Variants in KCNIP4 observed in about 807,000 individuals in gnomAD.
KCNIP4 encodes the protein Kv channel-interacting protein 4.
A neutral mutation model predicts 34.0 loss-of-function variants in KCNIP4; 12 were observed. The observed-to-expected ratio is 0.35, with a 90% CI of 0.23 to 0.57. The LOEUF (loss-of-function observed/expected upper bound fraction) is 0.57, where lower values mean the gene tolerates loss of function less well. Among genes scored for constraint, KCNIP4 ranks in the 20% least tolerant of loss-of-function variants. KCNIP4 has a pLI of 0.83. For missense variants in KCNIP4, 238 were observed against 311.7 expected, an observed-to-expected ratio of 0.76 and a Z score of 1.78; for synonymous variants, 124 against 102.2, an observed-to-expected ratio of 1.21 and a Z score of -1.29.
At chr4:20,766,230 A>G (rs1009876356) in intron 3 of KCNIP4, among the ~76,000 whole-genome samples, 4 of 152,198 alleles carry the variant, frequency 2.6e-5, no homozygotes, top group Non-Finnish European at 4.4e-5. Context: ...AGAAAATAGC[A>G]GATCTAATCT....
chr4:21,295,706 C>T (rs1264562576), intron 1 of KCNIP4, among the ~76,000 whole-genome samples: 2 of 152,156 alleles, frequency 1.3e-5, no homozygotes, highest in African/African-American at 4.8e-5. Flanking sequence ...CTTTCTCTGA[C>T]AACCCTTTGA....
intron 1 of KCNIP4, among the ~76,000 whole-genome samples, chr4:21,732,262 C>A (rs1304825011): frequency 6.6e-6 from 1 of 151,880 alleles, no homozygotes; most frequent in African/African-American, 2.4e-5. Context: ...TTCAGTGCTA[C>A]GTGCTAGGAT....
intron 3 of KCNIP4, among the ~76,000 whole-genome samples, chr4:20,849,446 C>T (rs968524701): frequency 1.3e-5 from 2 of 152,094 alleles, no homozygotes; most frequent in Non-Finnish European, 2.9e-5. Context: ...TGTCAACTAC[C>T]GGTATGAATT....
chr4:21,000,893 G>T (rs1454238801), intron 1 of KCNIP4, among the ~76,000 whole-genome samples: 1 of 152,124 alleles, frequency 6.6e-6, no homozygotes, highest in Non-Finnish European at 1.5e-5. Flanking sequence ...AAGTACAGCA[G>T]CTACCTTCTC....
At chr4:21,352,137 A>G (rs1405857879) in intron 1 of KCNIP4, among the ~76,000 whole-genome samples, 2 of 152,198 alleles carry the variant, frequency 1.3e-5, no homozygotes, top group Admixed American at 1.3e-4. Flanking sequence ...CACTAAAAAA[A>G]GAAAAAAATC....
intron 1 of KCNIP4, among the ~76,000 whole-genome samples, chr4:21,077,899 AGTAGC>A (rs1242925634): frequency 1.3e-5 from 2 of 152,144 alleles, no homozygotes; most frequent in East Asian, 3.9e-4. Flanking sequence ...AAGATGTCAT[AGTAGC>A]GTAAAAGAGG....
intron 1 of KCNIP4, among the ~76,000 whole-genome samples, chr4:21,037,959 C>A (rs1741597673): frequency 1.5e-4 from 1 of 6,454 alleles, no homozygotes; most frequent in South Asian, 0.012. Flanking sequence ...ATACAAAATG[C>A]TGGGGGTTTT....
At chr4:21,074,601 T>A (rs1242126534) in intron 1 of KCNIP4, among the ~76,000 whole-genome samples, 1 of 152,154 alleles carries the variant, frequency 6.6e-6, no homozygotes, top group Non-Finnish European at 1.5e-5. Flanking sequence ...CCTGGAGTCA[T>A]TGATTTTTTG....
At chr4:20,785,460 CT>C (rs1417050414) in intron 3 of KCNIP4, among the ~76,000 whole-genome samples, 1 of 151,694 alleles carries the variant, frequency 6.6e-6, no homozygotes, top group Non-Finnish European at 1.5e-5. Context: ...TGTTCTCAGA[CT>C]GAGGAGGAGC....
rs538152506 is a variant in KCNIP4, at chr4:21,558,579, A to G, written c.61+389992T>C. ...TTTCAGGATTTAAATTTGCCAAAAG[A>G]AATTGAAATTATACATTGCTAGTCT... is the stretch of plus-strand genomic sequence containing the variant. On this transcript the variant is annotated intron_variant, in intron 1 of 8. Transcript: ENST00000382152. Among the ~76,000 whole-genome samples, 111 of 152,200 alleles carry G rather than the reference A, an allele frequency of 7.3e-4. 1 individual carries two copies. The highest frequency in any genetic ancestry group is 3.4e-3 in the Middle Eastern group (1 of 294).
intron 1 of KCNIP4, among the ~76,000 whole-genome samples, chr4:21,777,443 T>C (rs1050421803): frequency 3.3e-5 from 5 of 149,278 alleles, no homozygotes; most frequent in Non-Finnish European, 7.5e-5. Context: ...CCACAAAGCA[T>C]ACCATTTTGA....
At chr4:21,304,731 CAGTCACTG>C (rs1712244634) in intron 1 of KCNIP4, 1 of 152,194 alleles carries the variant, frequency 6.6e-6, no homozygotes, top group Non-Finnish European at 1.5e-5. Context: ...TCCGAAAGCT[CAGTCACTG>C]AGCACTAATA....
intron 3 of KCNIP4, among the ~76,000 whole-genome samples, chr4:20,771,949 T>C (rs11939703): frequency 0.48 from 72,364 of 152,032 alleles, 17,613 homozygotes; most frequent in East Asian, 0.71. Context: ...GGATTACAGG[T>C]GTGAGCCACT....
At chr4:21,546,191 C>T (rs909570842) in intron 1 of KCNIP4, among the ~76,000 whole-genome samples, 1 of 152,082 alleles carries the variant, frequency 6.6e-6, no homozygotes, top group Non-Finnish European at 1.5e-5. Flanking sequence ...CATTGGGGAC[C>T]TATAATCATA....
chr4:21,785,591 C>CAAAA (rs147334128), intron 1 of KCNIP4, among the ~76,000 whole-genome samples: 36 of 146,164 alleles, frequency 2.5e-4, no homozygotes, highest in African/African-American at 9.2e-4. Context: ...GATTCCATCT[C>CAAAA]AATAAATAAA....
At chr4:21,917,129 TTTTG>T (rs11469594) in intron 1 of KCNIP4, among the ~76,000 whole-genome samples, 39,226 of 151,424 alleles carry the variant, frequency 0.26, 5,775 homozygotes, top group East Asian at 0.6. Context: ...CAGTTTTGTT[TTTTG>T]TTTGTTTGTT....
intron 1 of KCNIP4, among the ~76,000 whole-genome samples, chr4:20,993,048 A>AT (rs1737227983): frequency 6.6e-6 from 1 of 151,192 alleles, no homozygotes; most frequent in African/African-American, 2.4e-5. Context: ...AAAAAAAAAA[A>AT]AAAGAGAGCA....
chr4:21,831,021 G>A (rs1026887935), intron 1 of KCNIP4, among the ~76,000 whole-genome samples: 12 of 152,088 alleles, frequency 7.9e-5, no homozygotes, highest in African/African-American at 2.9e-4. Flanking sequence ...AAATTCACAA[G>A]TATGTGGAAA....
At chr4:21,901,645 T>A (rs927604534) in intron 1 of KCNIP4, among the ~76,000 whole-genome samples, 1 of 152,170 alleles carries the variant, frequency 6.6e-6, no homozygotes, top group African/African-American at 2.4e-5. Flanking sequence ...CAAATTACTT[T>A]TATTTTTAGA....
Sources: gnomAD v4.1 joint callset for allele counts (sites outside exome capture counted in the v4.1 genomes callset) on GRCh38, gnomAD v4.1.1 for gene constraint, MANE v1.5 for transcripts, NCBI Gene and HGNC (gene_info 2026-07-23, HGNC 2026-07-21) for gene names.